The following SLC30A8 variants were observed in gnomAD, a reference collection of about 807,000 sequenced individuals.
The protein encoded by SLC30A8 is solute carrier family 30 member 8.
Under a neutral mutation model 36.9 loss-of-function variants are expected in SLC30A8, and 27 were observed. That is an observed-to-expected ratio of 0.73 (90% confidence interval 0.54 to 1.01). The LOEUF (loss-of-function observed/expected upper bound fraction) is 1.01, where lower values mean the gene tolerates loss of function less well. Ranked by LOEUF, SLC30A8 falls within the 50% of genes least tolerant of loss-of-function variation. SLC30A8 has a pLI of 0.00. For synonymous variants in SLC30A8, 164 were observed against 172.4 expected (o/e 0.95, Z 0.38); for missense variants, 439 against 452.0 (o/e 0.97, Z 0.26).
intron 1 of SLC30A8, among the ~76,000 whole-genome samples, chr8:117,018,892 A>C (rs938585288): frequency 3.9e-5 from 6 of 152,128 alleles, no homozygotes; most frequent in Admixed American, 2.6e-4. Flanking sequence ...TGAACTCCTG[A>C]CCTCAGGTGA....
At chr8:117,132,271 C>T (rs1821167372), upstream of SLC30A8, among the ~76,000 whole-genome samples, 1 of 151,986 alleles carries the variant, frequency 6.6e-6, no homozygotes, top group Non-Finnish European at 1.5e-5. Flanking sequence ...GTTTAAGATA[C>T]TTGTGAAATT....
intron 1 of SLC30A8, among the ~76,000 whole-genome samples, chr8:117,014,104 TG>T (rs1228094379): frequency 6.6e-6 from 1 of 152,208 alleles, no homozygotes; most frequent in Non-Finnish European, 1.5e-5. Flanking sequence ...CTGCGTTTAA[TG>T]GCAAAACCGC....
chr8:117,156,581 T>C (rs111748465), intron 3 of SLC30A8, among the ~76,000 whole-genome samples: 39 of 152,314 alleles, frequency 2.6e-4, no homozygotes, highest in African/African-American at 8.9e-4. Flanking sequence ...GTGAGAAATG[T>C]TCCACAGTTG....
chr8:117,072,886 G>T (rs2130801175), intron 2 of SLC30A8, among the ~76,000 whole-genome samples: 1 of 148,798 alleles, frequency 6.7e-6, no homozygotes, highest in East Asian at 2.0e-4. Context: ...CCAGTTTTTA[G>T]GATTAGCAAT....
chr8:117,042,543 C>T (rs1339856402), intron 2 of SLC30A8, among the ~76,000 whole-genome samples: 2 of 152,038 alleles, frequency 1.3e-5, no homozygotes, highest in Non-Finnish European at 2.9e-5. Context: ...CTGGTCTGGA[C>T]CCAAGGAAGC....
At chr8:117,036,937 A>G (rs1427671602) in intron 1 of SLC30A8, among the ~76,000 whole-genome samples, 1 of 152,168 alleles carries the variant, frequency 6.6e-6, no homozygotes, top group East Asian at 1.9e-4. Flanking sequence ...GCAGCTGTCC[A>G]TTGGAACCAT....
intron 2 of SLC30A8, among the ~76,000 whole-genome samples, chr8:117,057,009 G>A (rs1817892101): frequency 6.6e-6 from 1 of 152,158 alleles, no homozygotes; most frequent in Non-Finnish European, 1.5e-5. Flanking sequence ...GATAGCACTT[G>A]CCTTAGTCCA....
intron 1 of SLC30A8, among the ~76,000 whole-genome samples, chr8:117,023,351 C>G (rs1372222875): frequency 2.0e-5 from 3 of 152,112 alleles, no homozygotes; most frequent in Non-Finnish European, 1.5e-5. Flanking sequence ...TACCATTTGA[C>G]CCAGCCATCC....
chr8:117,056,999 G>C (rs906488250), intron 2 of SLC30A8, among the ~76,000 whole-genome samples: 7 of 152,126 alleles, frequency 4.6e-5, no homozygotes, highest in African/African-American at 1.4e-4. Context: ...GTATAATGAG[G>C]ATAGCACTTG....
chr8:117,067,456 G>A (rs748930191), intron 2 of SLC30A8, among the ~76,000 whole-genome samples: 17 of 151,408 alleles, frequency 1.1e-4, no homozygotes, highest in Admixed American at 3.3e-4. Context: ...TTCTCTAATC[G>A]ACCAAGTCAG....
At chr8:117,042,121 G>T (rs1410630617) in intron 2 of SLC30A8, among the ~76,000 whole-genome samples, 2 of 152,070 alleles carry the variant, frequency 1.3e-5, no homozygotes, top group African/African-American at 2.4e-5. Context: ...CTGAAGCATT[G>T]CAATATTCTC....
chr8:116,971,886 G>T (rs1814807580), intron 1 of SLC30A8, among the ~76,000 whole-genome samples: 1 of 152,120 alleles, frequency 6.6e-6, no homozygotes, highest in Non-Finnish European at 1.5e-5. Flanking sequence ...CACAGATTCT[G>T]CTGGAAAATT....
intron 2 of SLC30A8, among the ~76,000 whole-genome samples, chr8:117,124,917 T>C (rs1820839120): frequency 6.6e-6 from 1 of 151,852 alleles, no homozygotes; most frequent in Admixed American, 6.6e-5. Context: ...ATGTACCCCT[T>C]GTATCTAAAA....
intron 1 of SLC30A8, among the ~76,000 whole-genome samples, chr8:117,024,280 A>G (rs117816629): frequency 0.028 from 4,333 of 152,346 alleles, 84 homozygotes; most frequent in Non-Finnish European, 0.044. Flanking sequence ...TATTTTTGTC[A>G]TTCTGCTGAA....
intron 2 of SLC30A8, among the ~76,000 whole-genome samples, chr8:117,066,337 C>T (rs529256991): frequency 1.3e-5 from 2 of 152,152 alleles, no homozygotes; most frequent in Non-Finnish European, 2.9e-5. Context: ...GTCCTTTCTT[C>T]CTAGTAACTT....
At chr8:117,041,877 C>T (rs71530854) in intron 2 of SLC30A8, among the ~76,000 whole-genome samples, 18,576 of 152,022 alleles carry the variant, frequency 0.12, 1,440 homozygotes, top group Non-Finnish European at 0.17. Flanking sequence ...TCCCGCCATT[C>T]GGTGTTTTCA....
intron 1 of SLC30A8, among the ~76,000 whole-genome samples, chr8:116,970,117 A>G (rs1814742327): frequency 6.6e-6 from 1 of 152,156 alleles, no homozygotes; most frequent in South Asian, 2.1e-4. Context: ...CTTATTCTAT[A>G]ATTTTTTTTC....
intron 2 of SLC30A8, among the ~76,000 whole-genome samples, chr8:117,121,059 C>T (rs1373778643): frequency 6.6e-6 from 1 of 151,762 alleles, no homozygotes; most frequent in Non-Finnish European, 1.5e-5. Flanking sequence ...TATAATGTTG[C>T]AGCCACTATG....
At chr8:117,157,919 A>T in intron 4 of SLC30A8, 75 bp downstream of exon 4, 1 of 1,519,356 alleles carries the variant, frequency 6.6e-7, no homozygotes, top group Non-Finnish European at 9.0e-7. Flanking sequence ...CGACCTTTTA[A>T]AAAACTCAGT....
Sources: allele counts gnomAD v4.1 joint callset (sites outside exome capture counted in the v4.1 genomes callset), GRCh38; gene constraint gnomAD v4.1.1; transcripts MANE v1.5; gene names NCBI Gene and HGNC (gene_info 2026-07-23, HGNC 2026-07-21).